Variants in KERA observed in about 807,000 individuals in gnomAD.
KERA encodes keratocan.
KERA carries 25 observed loss-of-function variants against 26.4 expected under a neutral mutation model. The observed-to-expected ratio is 0.95, with a 90% CI of 0.69 to 1.32. The LOEUF (loss-of-function observed/expected upper bound fraction) is 1.32. Among genes scored for constraint, KERA ranks in the 40% most tolerant of loss-of-function variants. KERA has a pLI of 0.00. For synonymous variants in KERA, 167 were observed against 146.1 expected (o/e 1.14, Z -1.03); for missense variants, 434 against 408.9 (o/e 1.06, Z -0.53).
intron 2 of KERA, among the ~76,000 whole-genome samples, chr12:91,053,817 C>T (rs994239969): frequency 5.3e-5 from 8 of 151,468 alleles, no homozygotes; most frequent in African/African-American, 1.9e-4. Context: ...CTCCTAAACA[C>T]CCTAATTCAC....
intron 2 of KERA, among the ~76,000 whole-genome samples, chr12:91,052,557 A>G (rs1878893707): frequency 6.6e-6 from 1 of 151,494 alleles, no homozygotes; most frequent in Non-Finnish European, 1.5e-5. Flanking sequence ...AAAAATAATG[A>G]CTCATTTGAA....
rs983589413 is a variant in KERA at position 91,050,808 on chromosome 12, T to C, written c.*538A>G. On this transcript the variant is annotated 3_prime_UTR_variant, in exon 3 of 3. Coordinates refer to ENST00000266719, the MANE Select transcript of KERA (RefSeq NM_007035.4). ...TTAAATAACAAGAATTCTTTAGTGA[T>C]GAAGTATTTGATTCATTCCATACCC... 1 of 154,124 alleles carries C rather than the reference T, an allele frequency of 6.5e-6. No individual in the cohort carries two copies. Among genetic ancestry groups the C allele is most frequent in the African/African-American group, 2.4e-5 (1 of 41,416 alleles). 9.5% of individuals were successfully genotyped at this position (154,124 alleles called of 1,614,324 possible).
chr12:91,056,169 T>A lies in KERA; in HGVS notation c.113A>T (p.His38Leu). 6.2e-7 allele frequency: 1 copy of A among 1,610,452 alleles called. No individual in the cohort carries two copies. Among genetic ancestry groups the A allele is most frequent in the Non-Finnish European group, 8.5e-7 (1 of 1,177,798 alleles). ...EVHDSDDWTI[H>L]DFECPMECFC... is the part of the protein sequence containing the mutation. Reference sequence around the variant, plus strand: ...ACATTCCATGGGACACTCGAAGTCATGAATAGTCCAATCATCTGAATCATG... The same window carrying A: ...ACATTCCATGGGACACTCGAAGTCAAGAATAGTCCAATCATCTGAATCATG... The change falls in exon 2 of 3, where the codon CAT becomes CTT. Residue 38 changes from histidine (H) to leucine (L), a missense_variant. Coordinates refer to ENST00000266719, the MANE Select transcript of KERA (RefSeq NM_007035.4).
Position 91,055,795 on chromosome 12 carries a change from T to C in KERA, c.487A>G (p.Ser163Gly). 2 of 1,611,390 alleles carry C rather than the reference T, an allele frequency of 1.2e-6. No homozygotes were observed. Among genetic ancestry groups the C allele is most frequent in the Non-Finnish European group, 1.7e-6 (2 of 1,178,220 alleles). The change falls in exon 2 of 3, where the codon AGC becomes GGC. Residue 163 changes from serine (S) to glycine (G), a missense_variant. Ser to Gly is a moderately conservative substitution (Grantham distance 56). Coordinates refer to ENST00000266719, the MANE Select transcript of KERA (RefSeq NM_007035.4). ...KVSRIPQGTFSNLENLTLLDL... is the reference protein window; with the variant it reads ...KVSRIPQGTFGNLENLTLLDL... The stretch of plus-strand genomic sequence containing the variant: ...AGAAGGGTCAGGTTCTCCAGATTGC[T>C]AAAGGTCCCTTGAGGAATTCTGGAC...
chr12:91,056,372 A>G (rs556676522), intron 1 of KERA, 83 bp from the exon 2 acceptor site: 40 of 1,119,204 alleles, frequency 3.6e-5, no homozygotes, highest in Non-Finnish European at 5.0e-5. Flanking sequence ...ATCAGTAAAC[A>G]TTGCTTCTTC....
rs1238000817 is a variant in KERA at position 91,051,077 on chromosome 12, G to A, written c.*269C>T. ...GTTTTCTTTAGTGTTAATAAGCTAT[G>A]GAAGAGACCAAAATAAAACTATCTT... On this transcript the variant is annotated 3_prime_UTR_variant, in exon 3 of 3. Transcript: ENST00000266719. 2.4e-6 allele frequency: 1 copy of A among 409,022 alleles called. No homozygotes were observed. Among genetic ancestry groups the A allele is most frequent in the African/African-American group, 2.0e-5 (1 of 49,370 alleles). The allele number at this position is 409,022 out of a possible 1,614,324, so 25.3% of individuals were successfully genotyped here. A position where few individuals can be genotyped will look rare whatever the true frequency, so the allele number is the denominator to read the frequency against.
chr12:91,056,152 T>G lies in KERA; in HGVS notation c.130A>C (p.Met44Leu), dbSNP rs1181265187. The part of the protein sequence containing the change: ...DWTIHDFECP[M>L]ECFCPPSFPT... ...AAACTGGGTGGGCAGAAACATTCCA[T>G]GGGACACTCGAAGTCATGAATAGTC... Residue 44 changes from methionine (M) to leucine (L), a missense_variant, in exon 2 of 3, where the codon ATG (methionine) becomes CTG (leucine). Transcript: ENST00000266719. The G allele has an allele frequency of 6.2e-7, 1 of 1,610,556 alleles. No homozygotes were observed.
rs776712179 is a variant in KERA at position 91,055,563 on chromosome 12, G to C, written c.719C>G (p.Ala240Gly). 7 of 1,610,684 alleles carry C rather than the reference G, an allele frequency of 4.3e-6. No homozygotes were observed. Among genetic ancestry groups the C allele is most frequent in the Non-Finnish European group, 5.9e-6 (7 of 1,177,858 alleles). Residue 240 changes from alanine to glycine, a missense_variant, in exon 2 of 3, where the codon GCC becomes GGC. Coordinates refer to ENST00000266719, the MANE Select transcript of KERA (RefSeq NM_007035.4). ...ENYFNVIPKVAFLRLNHNKLS... is the reference protein window; with the variant it reads ...ENYFNVIPKVGFLRLNHNKLS... ...TTTGTTGTGATTTAGTCTCAAAAAG[G>C]CCACTTTAGGAATCACATTAAAATA...
intron 1 of KERA, among the ~76,000 whole-genome samples, chr12:91,057,347 T>C (rs1369765679): frequency 7.6e-6 from 1 of 130,882 alleles, no homozygotes; most frequent in African/African-American, 2.8e-5. Context: ...TTTAATAATT[T>C]ATAGCATACA....
At position 91,057,081 on chromosome 12, in the gene KERA, G is replaced by A. The variant is rs540668172; in HGVS notation, c.-9+663C>T. The stretch of plus-strand genomic sequence containing the variant: ...TTTATTATATAGAGTTGAATACATT[G>A]TGATGTATAGCACAAGTACATGAGT... On this transcript the variant is annotated intron_variant, in intron 1 of 2. Transcript: ENST00000266719. Among the ~76,000 whole-genome samples the A allele has an allele frequency of 2.0e-5, 3 of 150,476 alleles. No homozygotes were observed. In the East Asian group the frequency reaches 5.9e-4, roughly 29 times the overall value.
chr12:91,056,959 TTCTC>T (rs376005799), intron 1 of KERA, among the ~76,000 whole-genome samples: 2 of 149,062 alleles, frequency 1.3e-5, no homozygotes, highest in African/African-American at 2.5e-5. Flanking sequence ...GAATTATCAA[TTCTC>T]TCTCTCTCTC....
intron 1 of KERA, among the ~76,000 whole-genome samples, chr12:91,056,984 T>C (rs556502618): frequency 1.3e-5 from 2 of 150,968 alleles, no homozygotes; most frequent in African/African-American, 4.8e-5. Flanking sequence ...CCTTTCTCTC[T>C]CTCTCTCTCT....
chr12:91,052,502 GT>G (rs765184966), intron 2 of KERA, among the ~76,000 whole-genome samples: 1 of 151,486 alleles, frequency 6.6e-6, no homozygotes, highest in Non-Finnish European at 1.5e-5. Context: ...TTCCAGCAAG[GT>G]TGCTTTGCTT....
At position 91,055,732 on chromosome 12, in the gene KERA, G is replaced by A; in HGVS notation, c.550C>T (p.Gln184Ter). The change falls in exon 2 of 3, where the codon CAA becomes TAA. Residue 184 changes from glutamine (Q) to a stop codon, truncating the protein, a stop_gained. Coordinates refer to ENST00000266719, the MANE Select transcript of KERA (RefSeq NM_007035.4). LOFTEE classifies it high-confidence loss of function. ...TTGAGTCCTTTAAAAGTGTCTCTTTGAAAGGCATTGTCCACTAATTTGTTG... is the reference window on the plus strand; with the variant it reads ...TTGAGTCCTTTAAAAGTGTCTCTTTAAAAGGCATTGTCCACTAATTTGTTG... ...QNNKLVDNAF[Q>*]RDTFKGLKNL... 1 of 1,611,266 alleles carries A rather than the reference G, an allele frequency of 6.2e-7. No individual in the cohort carries two copies. The highest frequency in any genetic ancestry group is 8.5e-7 in the Non-Finnish European group (1 of 1,178,146).
intron 2 of KERA, among the ~76,000 whole-genome samples, chr12:91,054,203 C>G (rs1203966497): frequency 1.3e-5 from 2 of 151,346 alleles, no homozygotes; most frequent in East Asian, 3.9e-4. Flanking sequence ...AACAAAAATT[C>G]TTAAATAACT....
intron 2 of KERA, among the ~76,000 whole-genome samples, chr12:91,054,164 C>T (rs2120958020): frequency 6.6e-6 from 1 of 151,364 alleles, no homozygotes; most frequent in East Asian, 2.0e-4. Flanking sequence ...GACTCAAGTA[C>T]ACTGTTATTT....
chr12:91,052,166 C>T (rs1179068088), intron 2 of KERA, among the ~76,000 whole-genome samples: 3 of 151,442 alleles, frequency 2.0e-5, no homozygotes, highest in African/African-American at 4.8e-5. Flanking sequence ...TGACAAAGAA[C>T]TCAAGCCAGA....
At chr12:91,056,979 C>T (rs536698821) in intron 1 of KERA, among the ~76,000 whole-genome samples, 56 of 148,308 alleles carry the variant, frequency 3.8e-4, no homozygotes, top group East Asian at 3.1e-3. Flanking sequence ...CTCTCCCTTT[C>T]TCTCTCTCTC....
Position 91,055,573 on chromosome 12 carries a change from G to T in KERA, c.709C>A (p.Pro237Thr). Residue 237 changes from proline (P) to threonine (T), a missense_variant, in exon 2 of 3, where the codon CCT becomes ACT. Pro to Thr is a conservative substitution (Grantham distance 38, BLOSUM62 -1). Transcript: ENST00000266719. ...GIPENYFNVI[P>T]KVAFLRLNHN... ...TTTAGTCTCAAAAAGGCCACTTTAG[G>T]AATCACATTAAAATAATTTTCTGGT... 6.2e-7 allele frequency: 1 copy of T among 1,610,702 alleles called. No homozygotes were observed. The highest frequency in any genetic ancestry group is 1.7e-4 in the Middle Eastern group (1 of 6,040).
Sources: allele counts gnomAD v4.1 joint callset (sites outside exome capture counted in the v4.1 genomes callset), GRCh38; gene constraint gnomAD v4.1.1; transcripts MANE v1.5; gene names NCBI Gene and HGNC (gene_info 2026-07-23, HGNC 2026-07-21).